Variants in WASHC2A observed in about 807,000 individuals in gnomAD.
WASHC2A encodes WASH complex subunit 2A.
In WASHC2A, 82 loss-of-function variants were observed where a neutral mutation model predicts 140.3. The ratio of observed to expected loss-of-function variants is 0.58; its 90% CI spans 0.49 to 0.70. The LOEUF is 0.70. Among genes scored for constraint, WASHC2A ranks in the 30% least tolerant of loss-of-function variants. The probability of loss-of-function intolerance (pLI) is 0.00; values close to 1 mark genes in which losing one functional copy is unlikely to be tolerated. For missense variants in WASHC2A, 985 were observed against 1,521.8 expected (o/e 0.65, Z 5.87); for synonymous variants, 340 against 560.8 (o/e 0.61, Z 5.56).
At chr10:50,114,537 A>C (rs1279642285) in intron 21 of WASHC2A, among the ~76,000 whole-genome samples, 3 of 145,588 alleles carry the variant, frequency 2.1e-5, no homozygotes, top group African/African-American at 2.5e-5. Flanking sequence ...GGCCAAAAAA[A>C]AAAAAAAGCG....
At chr10:50,127,345 G>T (rs1300024914) in intron 27 of WASHC2A, 123 bp downstream of exon 27, 2 of 1,576,820 alleles carry the variant, frequency 1.3e-6, no homozygotes, top group South Asian at 2.2e-5. Flanking sequence ...CCCCTCCCCT[G>T]CACCTAGTTG....
chr10:50,107,496 A>T (rs1476067430), intron 19 of WASHC2A, among the ~76,000 whole-genome samples: 2 of 151,736 alleles, frequency 1.3e-5, no homozygotes, highest in African/African-American at 4.9e-5. Flanking sequence ...GTGTTATAAT[A>T]ATTCCTCTTT....
chr10:50,079,120 G>A (rs1838651469), intron 4 of WASHC2A, among the ~76,000 whole-genome samples: 1 of 150,514 alleles, frequency 6.6e-6, no homozygotes, highest in Non-Finnish European at 1.5e-5. Context: ...AAGAGGTTCT[G>A]GGTCACACTG....
chr10:50,104,769 G>A (rs1159543401), intron 18 of WASHC2A, among the ~76,000 whole-genome samples: 1 of 149,898 alleles, frequency 6.7e-6, no homozygotes, highest in Non-Finnish European at 1.5e-5. Context: ...CTTCCACATT[G>A]CAGTGAAAAA....
chr10:50,128,262 G>A (rs1324335787), intron 28 of WASHC2A, among the ~76,000 whole-genome samples: 3 of 151,974 alleles, frequency 2.0e-5, no homozygotes, highest in African/African-American at 7.3e-5. Context: ...AGGCACACCA[G>A]GTGCCACTCC....
intron 7 of WASHC2A, among the ~76,000 whole-genome samples, chr10:50,086,579 A>G (rs1239354152): frequency 7.7e-5 from 11 of 142,636 alleles, no homozygotes; most frequent in Middle Eastern, 7.0e-3. Flanking sequence ...ATATCTCCCA[A>G]TGCTATCCCT....
intron 6 of WASHC2A, among the ~76,000 whole-genome samples, chr10:50,084,676 G>T (rs1289337909): frequency 1.3e-5 from 2 of 149,006 alleles, no homozygotes; most frequent in African/African-American, 5.0e-5. Context: ...TGATCTGCCC[G>T]CCTCGGCCTC....
At chr10:50,086,014 G>T (rs1307782418) in intron 7 of WASHC2A, among the ~76,000 whole-genome samples, 1 of 147,492 alleles carries the variant, frequency 6.8e-6, no homozygotes, top group Non-Finnish European at 1.5e-5. Context: ...TGCCGCTAGC[G>T]CTTTCATATC....
intron 14 of WASHC2A, 74 bp downstream of exon 14, chr10:50,095,281 A>G: frequency 5.3e-6 from 7 of 1,309,876 alleles, no homozygotes; most frequent in East Asian, 5.0e-5. Context: ...ATCATCTTCT[A>G]AAGTCTGGCT....
In WASHC2A at chr10:50,069,587, C is replaced by T; in HGVS notation, c.167C>T (p.Ser56Phe). ...CAGGAATTCTCACAGCAAACTATCTCTAGGACCCATGAAATCAAGAAACAA... is the reference window on the plus strand; with the variant it reads ...CAGGAATTCTCACAGCAAACTATCTTTAGGACCCATGAAATCAAGAAACAA... Reference protein sequence around the residue: ...FLQEFSQQTISRTHEIKKQVD... With the variant: ...FLQEFSQQTIFRTHEIKKQVD... The change falls in exon 3 of 31, where the codon TCT (serine) becomes TTT (phenylalanine). Residue 56 changes from serine to phenylalanine, a missense_variant. Coordinates refer to ENST00000282633, the MANE Select transcript of WASHC2A (RefSeq NM_001005751.3). 1 of 1,613,898 alleles carries T rather than the reference C, an allele frequency of 6.2e-7. No individual in the cohort carries two copies. Among genetic ancestry groups the T allele is most frequent in the South Asian group, 1.1e-5 (1 of 91,072 alleles).
At position 50,126,060 on chromosome 10, in the gene WASHC2A, C is replaced by T; in HGVS notation, c.2692C>T (p.Gln898Ter). ...FSSAKSQPLV[Q>*]EKKRVVKKDH... The stretch of plus-strand genomic sequence containing the variant: ...TGGTATTTTTTTTCTTTTGAAGGTA[C>T]AAGAGAAAAAGAGAGTAGTGAAAAA... Residue 898 changes from glutamine to a stop codon, truncating the protein, a stop_gained, in exon 26 of 31, where the codon CAA (glutamine) becomes TAA (stop). Coordinates refer to ENST00000282633, the MANE Select transcript of WASHC2A (RefSeq NM_001005751.3). LOFTEE classifies it high-confidence loss of function. The T allele has an allele frequency of 1.9e-6, 3 of 1,612,828 alleles. No individual in the cohort carries two copies. The highest frequency in any genetic ancestry group is 1.7e-4 in the Middle Eastern group (1 of 6,056).
In WASHC2A at chr10:50,112,611, A is replaced by G. The variant is rs566357597; in HGVS notation, c.2040-1284A>G. Among the ~76,000 whole-genome samples the G allele has an allele frequency of 3.1e-3, 418 of 136,504 alleles. 8 individuals are homozygous for G. The highest frequency in any genetic ancestry group is 0.011 in the Middle Eastern group (3 of 270). 89.6% of individuals were successfully genotyped at this position (136,504 alleles called of 152,430 possible). A position where few individuals can be genotyped will look rare whatever the true frequency, so the allele number is the denominator to read the frequency against. The stretch of plus-strand genomic sequence containing the variant: ...TATAAAAACTTGTACATGAGTGTTT[A>G]TTGCAGCCTTAGTCATAACAGCCGA... On this transcript the variant is annotated intron_variant, in intron 20 of 30. Coordinates refer to ENST00000282633, the MANE Select transcript of WASHC2A (RefSeq NM_001005751.3).
At chr10:50,127,849 A>G (rs2133090345) in intron 28 of WASHC2A, 54 bp downstream of exon 28, 1 of 785,494 alleles carries the variant, frequency 1.3e-6, no homozygotes, top group Middle Eastern at 3.6e-4. Flanking sequence ...GAACATGCAT[A>G]TGCTTCTTTC....
chr10:50,130,845 G>A, intron 29 of WASHC2A, 56 bp from the exon 30 acceptor site: 1 of 1,607,946 alleles, frequency 6.2e-7, no homozygotes, highest in Non-Finnish European at 8.5e-7. Flanking sequence ...TTGTGTTTGA[G>A]CTTAAAAAGA....
intron 30 of WASHC2A, among the ~76,000 whole-genome samples, chr10:50,132,569 T>C (rs1844075290): frequency 6.6e-6 from 1 of 152,248 alleles, no homozygotes; most frequent in Admixed American, 6.5e-5. Flanking sequence ...CACACGCACA[T>C]ACATACACTT....
chr10:50,070,197 A>G (rs782537046), intron 3 of WASHC2A, among the ~76,000 whole-genome samples: 2 of 152,230 alleles, frequency 1.3e-5, no homozygotes, highest in Non-Finnish European at 2.9e-5. Flanking sequence ...AACTGTAAAC[A>G]GATTACTGAG....
intron 23 of WASHC2A, among the ~76,000 whole-genome samples, chr10:50,120,618 C>CA (rs1161708139): frequency 0.01 from 386 of 37,386 alleles, 9 homozygotes; most frequent in African/African-American, 0.013. Context: ...GACTCCATCT[C>CA]AAAAAAAAAA....
intron 8 of WASHC2A, among the ~76,000 whole-genome samples, chr10:50,090,017 G>A (rs1839734956): frequency 6.6e-6 from 1 of 151,312 alleles, no homozygotes; most frequent in African/African-American, 2.4e-5. Flanking sequence ...GGCTGAGGCA[G>A]GAGAATGGCT....
At chr10:50,075,469 G>A (rs1341779893) in intron 3 of WASHC2A, among the ~76,000 whole-genome samples, 1 of 151,982 alleles carries the variant, frequency 6.6e-6, no homozygotes, top group African/African-American at 2.4e-5. Context: ...GTTCAGTGGT[G>A]GAGACAGCTC....
Sources: allele counts gnomAD v4.1 joint callset (sites outside exome capture counted in the v4.1 genomes callset), GRCh38; gene constraint gnomAD v4.1.1; transcripts MANE v1.5; gene names NCBI Gene and HGNC (gene_info 2026-07-23, HGNC 2026-07-21).